Variants in CTDP1 observed in about 807,000 individuals in gnomAD.
CTDP1 encodes CTD phosphatase 1.
In CTDP1, 47 loss-of-function variants were observed where a neutral mutation model predicts 91.8. That is an observed-to-expected ratio of 0.51 (90% confidence interval 0.41 to 0.65). The LOEUF (loss-of-function observed/expected upper bound fraction) is 0.65. CTDP1 is among the 30% of genes least tolerant of loss of function. The pLI, the probability that CTDP1 is intolerant of heterozygous loss-of-function variation, is 0.00. For synonymous variants in CTDP1, 656 were observed against 598.5 expected, an observed-to-expected ratio of 1.10 and a Z score of -1.40; for missense variants, 1,272 against 1,373.7, an observed-to-expected ratio of 0.93 and a Z score of 1.17.
rs746199655 is a variant in CTDP1 at position 79,718,027 on chromosome 18, G to A, written c.2417+11G>A. The A allele has an allele frequency of 6.3e-5, 102 of 1,612,312 alleles. No individual in the cohort carries two copies. Among genetic ancestry groups the A allele is most frequent in the Non-Finnish European group, 8.2e-5 (97 of 1,179,792 alleles). On this transcript the variant is annotated intron_variant, in intron 10 of 12. Coordinates refer to ENST00000613122, the MANE Select transcript of CTDP1 (RefSeq NM_004715.5). ...GCCCTCTTCCTTCAGGTACGTGGCG[G>A]CCCAGCCACTGTCCCCAGCTAATGA...
intron 12 of CTDP1, among the ~76,000 whole-genome samples, chr18:79,751,573 T>C (rs1277385702): frequency 6.6e-6 from 1 of 152,236 alleles, no homozygotes; most frequent in South Asian, 2.1e-4. Context: ...GCTGATTTTA[T>C]TCCTTTTGTC....
At position 79,694,814 on chromosome 18, in the gene CTDP1, T is replaced by G. The variant is rs554083421; in HGVS notation, c.315-411T>G. Among the ~76,000 whole-genome samples, 361 of 152,370 alleles carry G rather than the reference T, an allele frequency of 2.4e-3. 2 individuals are homozygous for G. Among genetic ancestry groups the G allele is most frequent in the African/African-American group, 7.4e-3 (306 of 41,586 alleles). ...ATTTTGTCAGGAAAATGTAGTTGCA[T>G]CAGCCTCTGTCTAGACTGGGAATGA... On this transcript the variant is annotated intron_variant, in intron 1 of 12. Coordinates refer to ENST00000613122, the MANE Select transcript of CTDP1 (RefSeq NM_004715.5).
At chr18:79,681,947 G>A (rs2085378788) in intron 1 of CTDP1, among the ~76,000 whole-genome samples, 1 of 152,186 alleles carries the variant, frequency 6.6e-6, no homozygotes, top group African/African-American at 2.4e-5. Flanking sequence ...TGTGGTGGTG[G>A]TGGTGTGACG....
Position 79,754,063 on chromosome 18 carries a change from G to A in CTDP1, c.*273G>A. 2.0e-6 allele frequency: 1 copy of A among 501,718 alleles called. No individual in the cohort carries two copies. Among genetic ancestry groups the A allele is most frequent in the Non-Finnish European group, 3.6e-6 (1 of 276,506 alleles). The allele number at this position is 501,718 out of a possible 1,614,324, so 31.1% of individuals were successfully genotyped here. A position where few individuals can be genotyped will look rare whatever the true frequency, so the allele number is the denominator to read the frequency against. On this transcript the variant is annotated 3_prime_UTR_variant, in exon 13 of 13. Transcript: ENST00000613122. ...AGAGGCTCACGTGGCCCAGGCTGGT[G>A]CGCCCGCTGTCTCGGTAAGGGGCGG...
chr18:79,687,552 G>T (rs2085528710), intron 1 of CTDP1, among the ~76,000 whole-genome samples: 1 of 150,102 alleles, frequency 6.7e-6, no homozygotes, highest in Non-Finnish European at 1.5e-5. Context: ...TGGTGGGCCT[G>T]CACCGCAGCA....
chr18:79,680,734 G>C (rs2085346489), intron 1 of CTDP1: 1 of 152,756 alleles, frequency 6.5e-6, no homozygotes, highest in Non-Finnish European at 1.5e-5. Flanking sequence ...TCGTGGCTAA[G>C]GAACGGGCGG....
intron 1 of CTDP1, among the ~76,000 whole-genome samples, chr18:79,688,354 T>A (rs768551509): frequency 5.9e-5 from 9 of 152,256 alleles, no homozygotes; most frequent in Non-Finnish European, 1.3e-4. Flanking sequence ...AACCTCCACC[T>A]CCTGGGTTCA....
upstream of CTDP1, chr18:79,679,632 T>G: frequency 2.0e-6 from 1 of 488,934 alleles, no homozygotes; most frequent in Non-Finnish European, 4.0e-6. Flanking sequence ...TGCTCCACGG[T>G]GCCGGCGCTC....
chr18:79,687,252 G>A (rs542733643), intron 1 of CTDP1, among the ~76,000 whole-genome samples: 1 of 117,596 alleles, frequency 8.5e-6, no homozygotes, highest in African/African-American at 3.5e-5. Flanking sequence ...AGTTGGCTTC[G>A]TCAGTTCACT....
At chr18:79,681,799 C>T (rs1376337593) in intron 1 of CTDP1, among the ~76,000 whole-genome samples, 2 of 152,198 alleles carry the variant, frequency 1.3e-5, no homozygotes, top group Non-Finnish European at 2.9e-5. Flanking sequence ...TCTCTGCCTC[C>T]AGTCCATGGG....
chr18:79,723,422 C>G (rs1040596832), intron 10 of CTDP1, among the ~76,000 whole-genome samples: 8 of 152,202 alleles, frequency 5.3e-5, no homozygotes, highest in African/African-American at 1.9e-4. Context: ...TGACAGGACG[C>G]TTGGCAGTGA....
chr18:79,680,424 C>G (rs1268921433), intron 1 of CTDP1, among the ~76,000 whole-genome samples, 163 bp downstream of exon 1: 8 of 152,240 alleles, frequency 5.3e-5, no homozygotes, highest in African/African-American at 1.7e-4. Context: ...TGGATAGTCA[C>G]CACCTGTGGT....
upstream of CTDP1, chr18:79,677,616 G>A (rs1260334248): frequency 1.3e-5 from 2 of 152,286 alleles, no homozygotes; most frequent in Non-Finnish European, 2.9e-5. Context: ...GGCGGCTTCA[G>A]GCTACAGCTG....
intron 12 of CTDP1, among the ~76,000 whole-genome samples, chr18:79,737,458 T>C (rs1410492276): frequency 6.6e-6 from 1 of 152,212 alleles, no homozygotes; most frequent in Non-Finnish European, 1.5e-5. Context: ...GATGATTAGC[T>C]CACGGTCCCA....
chr18:79,733,717 T>C (rs550322450), intron 11 of CTDP1, among the ~76,000 whole-genome samples: 1 of 152,316 alleles, frequency 6.6e-6, no homozygotes, highest in African/African-American at 2.4e-5. Flanking sequence ...TCTGTGTCTC[T>C]TCTTGTTTCC....
chr18:79,715,757 G>A (rs757280058), intron 8 of CTDP1, among the ~76,000 whole-genome samples: 4 of 152,238 alleles, frequency 2.6e-5, no homozygotes, highest in African/African-American at 7.2e-5. Flanking sequence ...GGAGTTACTC[G>A]TGTGTAGAAA....
At chr18:79,699,407 C>T (rs1274183997) in intron 4 of CTDP1, among the ~76,000 whole-genome samples, 1 of 152,016 alleles carries the variant, frequency 6.6e-6, no homozygotes, top group African/African-American at 2.4e-5. Context: ...ACTACAGGTG[C>T]CCGCCACCAC....
chr18:79,733,012 C>T (rs1180913737), intron 11 of CTDP1, among the ~76,000 whole-genome samples: 3 of 152,244 alleles, frequency 2.0e-5, no homozygotes, highest in Non-Finnish European at 4.4e-5. Flanking sequence ...GACTCTAAAG[C>T]ATGCACCCCC....
intron 10 of CTDP1, among the ~76,000 whole-genome samples, chr18:79,719,926 T>G (rs1405910037): frequency 6.7e-6 from 1 of 149,134 alleles, no homozygotes; most frequent in Non-Finnish European, 1.5e-5. Flanking sequence ...CTGGTGATGA[T>G]GTCACCTCCC....
Sources: gnomAD v4.1 joint callset for allele counts (sites outside exome capture counted in the v4.1 genomes callset) on GRCh38, gnomAD v4.1.1 for gene constraint, MANE v1.5 for transcripts, NCBI Gene and HGNC (gene_info 2026-07-23, HGNC 2026-07-21) for gene names.